Variants in UNC79 observed in about 807,000 individuals in gnomAD.
UNC79 encodes unc-79 subunit of NALCN channel complex, also known as protein unc-79 homolog.
In UNC79, 37 loss-of-function variants were observed where a neutral mutation model predicts 283.1. The ratio of observed to expected loss-of-function variants is 0.13; its 90% CI spans 0.10 to 0.17. UNC79 has a LOEUF of 0.17. Ranked by LOEUF, UNC79 falls within the 10% of genes least tolerant of loss-of-function variation. The pLI is 1.00. For synonymous variants in UNC79, 1,107 were observed against 1,200.2 expected, an observed-to-expected ratio of 0.92 and a Z score of 1.61; for missense variants, 2,272 against 3,211.1, an observed-to-expected ratio of 0.71 and a Z score of 7.07.
At chr14:93,530,137 T>C (rs966367789) in intron 10 of UNC79, among the ~76,000 whole-genome samples, 6 of 152,122 alleles carry the variant, frequency 3.9e-5, no homozygotes, top group Admixed American at 1.3e-4. Context: ...TGAAACCCCG[T>C]ATAAAAAATT....
intron 1 of UNC79, among the ~76,000 whole-genome samples, chr14:93,344,555 A>AG (rs1472908616): frequency 6.6e-6 from 1 of 152,160 alleles, no homozygotes; most frequent in Non-Finnish European, 1.5e-5. Flanking sequence ...CTTGCTAGGC[A>AG]GGGAAAAAAA....
chr14:93,494,796 G>T (rs1254111010), intron 5 of UNC79, among the ~76,000 whole-genome samples: 3 of 152,180 alleles, frequency 2.0e-5, no homozygotes, highest in Non-Finnish European at 4.4e-5. Flanking sequence ...GATGTCTTTG[G>T]CTGACAGAGG....
intron 1 of UNC79, among the ~76,000 whole-genome samples, chr14:93,378,874 G>A (rs1307568738): frequency 3.9e-5 from 6 of 152,152 alleles, no homozygotes; most frequent in Admixed American, 1.3e-4. Flanking sequence ...AAGAAAAAGC[G>A]AAAACTTAGA....
intron 42 of UNC79, among the ~76,000 whole-genome samples, chr14:93,684,431 A>G (rs1268821424): frequency 6.6e-6 from 1 of 152,244 alleles, no homozygotes; most frequent in South Asian, 2.1e-4. Flanking sequence ...GTAAATGTCT[A>G]ACATCATCAG....
intron 1 of UNC79, among the ~76,000 whole-genome samples, chr14:93,434,236 G>GA (rs1415372253): frequency 2.0e-5 from 3 of 151,158 alleles, no homozygotes; most frequent in African/African-American, 4.9e-5. Context: ...AAAAAGAAAA[G>GA]AAAAAAAAGA....
At chr14:93,503,770 T>C (rs2059407150) in intron 7 of UNC79, among the ~76,000 whole-genome samples, 1 of 150,768 alleles carries the variant, frequency 6.6e-6, no homozygotes, top group African/African-American at 2.5e-5. Context: ...TAATGTCTTA[T>C]CATTAAATAA....
chr14:93,445,373 T>A (rs2140147548), intron 1 of UNC79, among the ~76,000 whole-genome samples: 1 of 152,290 alleles, frequency 6.6e-6, no homozygotes, highest in South Asian at 2.1e-4. Flanking sequence ...TGAGTGTTCT[T>A]GCCTTGTTCT....
At chr14:93,578,119 G>T (rs1220451866) in intron 18 of UNC79, 56 bp downstream of exon 18, 4 of 1,509,910 alleles carry the variant, frequency 2.6e-6, no homozygotes, top group Non-Finnish European at 2.7e-6. Flanking sequence ...AGAAAGCGTT[G>T]TACAGCAATT....
intron 33 of UNC79, 70 bp from the exon 37 acceptor site, chr14:93,643,487 G>C: frequency 6.2e-7 from 1 of 1,610,036 alleles, no homozygotes; most frequent in East Asian, 2.2e-5. Flanking sequence ...ACAGCCGTGT[G>C]TGTAGTATAT....
At chr14:93,530,721 A>G (rs374027729) in intron 10 of UNC79, among the ~76,000 whole-genome samples, 5 of 152,182 alleles carry the variant, frequency 3.3e-5, no homozygotes, top group African/African-American at 7.2e-5. Flanking sequence ...CATCCTGGCT[A>G]ACATGGTGAA....
intron 1 of UNC79, among the ~76,000 whole-genome samples, chr14:93,334,341 C>G (rs1237327343): frequency 6.6e-6 from 1 of 152,190 alleles, no homozygotes; most frequent in East Asian, 1.9e-4. Flanking sequence ...ACCCTCTTAC[C>G]CAATCCTTGA....
At chr14:93,546,274 C>T (rs1458221481) in intron 14 of UNC79, among the ~76,000 whole-genome samples, 3 of 152,154 alleles carry the variant, frequency 2.0e-5, no homozygotes, top group Admixed American at 2.0e-4. Flanking sequence ...AGAAGGGCTA[C>T]TATCATTTAA....
At chr14:93,388,533 A>G (rs1188484980) in intron 1 of UNC79, among the ~76,000 whole-genome samples, 1 of 152,228 alleles carries the variant, frequency 6.6e-6, no homozygotes, top group Non-Finnish European at 1.5e-5. Context: ...TAATGTTAAT[A>G]GATATTGCCT....
intron 1 of UNC79, among the ~76,000 whole-genome samples, chr14:93,416,508 G>T (rs1277257445): frequency 6.6e-6 from 1 of 152,144 alleles, no homozygotes; most frequent in Non-Finnish European, 1.5e-5. Context: ...TTGATTTGGG[G>T]TGCAGAGTTC....
chr14:93,557,837 G>T (rs2062261997), intron 14 of UNC79, among the ~76,000 whole-genome samples: 1 of 152,194 alleles, frequency 6.6e-6, no homozygotes, highest in South Asian at 2.1e-4. Context: ...AAGTAATCTA[G>T]AGCAGACAGT....
chr14:93,692,124 G>A (rs899651748), intron 46 of UNC79, among the ~76,000 whole-genome samples, 178 bp downstream of exon 49: 2 of 152,114 alleles, frequency 1.3e-5, no homozygotes, highest in African/African-American at 4.8e-5. Context: ...TTAAAAATAA[G>A]CATTTTGATT....
chr14:93,489,974 T>A (rs143288204), intron 5 of UNC79, among the ~76,000 whole-genome samples: 1 of 152,324 alleles, frequency 6.6e-6, no homozygotes, highest in Non-Finnish European at 1.5e-5. Context: ...TACACCCCCA[T>A]GCCTTTGCTG....
intron 30 of UNC79, among the ~76,000 whole-genome samples, chr14:93,628,846 T>TA (rs2067782512): frequency 6.6e-6 from 1 of 152,220 alleles, no homozygotes; most frequent in African/African-American, 2.4e-5. Flanking sequence ...TAATGCTTAT[T>TA]ACCGACCTTC....
intron 1 of UNC79, among the ~76,000 whole-genome samples, chr14:93,351,213 A>G (rs1288528441): frequency 6.6e-6 from 1 of 152,212 alleles, no homozygotes; most frequent in Non-Finnish European, 1.5e-5. Flanking sequence ...TAATAGCAAA[A>G]TAATTTCTAT....
Sources: gnomAD v4.1 joint callset for allele counts (sites outside exome capture counted in the v4.1 genomes callset) on GRCh38, gnomAD v4.1.1 for gene constraint, MANE v1.5 for transcripts, NCBI Gene and HGNC (gene_info 2026-07-23, HGNC 2026-07-21) for gene names.